The following KMT2C variants were observed in gnomAD, a reference collection of about 807,000 sequenced individuals.
The protein encoded by KMT2C is histone-lysine N-methyltransferase 2C.
In KMT2C, 88 loss-of-function variants were observed where a neutral mutation model predicts 507.9. That is an observed-to-expected ratio of 0.17 (90% CI 0.15 to 0.21). The LOEUF is 0.21. Among genes scored for constraint, KMT2C ranks in the 10% least tolerant of loss-of-function variants. KMT2C has a pLI of 1.00. For synonymous variants in KMT2C, 2,049 were observed against 2,080.8 expected, an observed-to-expected ratio of 0.98 and a Z score of 0.42; for missense variants, 4,954 against 5,957.8, an observed-to-expected ratio of 0.83 and a Z score of 5.55.
rs988241639 is a variant in KMT2C, at chr7:152,184,056, C to T, written c.5083-900G>A. On this transcript the variant is annotated intron_variant, in intron 34 of 58. Transcript: ENST00000262189. ...CATTGCACTCCAGCCTGGGCAACAA[C>T]TGTGAAGCTCCATCTCAAAAAAAAA... is the stretch of plus-strand genomic sequence containing the variant. Among the ~76,000 whole-genome samples, 4 of 133,190 alleles carry T rather than the reference C, an allele frequency of 3.0e-5. 1 individual carries two copies. The Admixed American group carries it at 3.4e-4, about 11-fold the overall frequency. The allele number at this position is 133,190 out of a possible 152,430, so 87.4% of individuals were successfully genotyped here.
chr7:152,357,277 C>T (rs1396546403), intron 2 of KMT2C, among the ~76,000 whole-genome samples: 3 of 152,078 alleles, frequency 2.0e-5, no homozygotes, highest in African/African-American at 7.2e-5. Flanking sequence ...GTAATCCCAG[C>T]ACTTTGGGAG....
At chr7:152,219,345 G>T (rs1390055247) in intron 23 of KMT2C, among the ~76,000 whole-genome samples, 1 of 151,990 alleles carries the variant, frequency 6.6e-6, no homozygotes, top group Non-Finnish European at 1.5e-5. Context: ...TTTTTTAAGA[G>T]TTGGGTTACC....
Position 152,157,061 on chromosome 7 carries a change from G to A in KMT2C, c.11671-715C>T, listed in dbSNP as rs536527313. Reference sequence around the variant, plus strand: ...TTCATGAGGATGATAAAATAAGGTTGGAGAACAGCTTATGAGTTAAGATAG... The same window carrying A: ...TTCATGAGGATGATAAAATAAGGTTAGAGAACAGCTTATGAGTTAAGATAG... On this transcript the variant is annotated intron_variant, in intron 44 of 58. Transcript: ENST00000262189. Among the ~76,000 whole-genome samples the A allele has an allele frequency of 7.2e-5, 11 of 152,158 alleles. No individual in the cohort carries two copies. In the South Asian group the frequency reaches 2.1e-3, roughly 29 times the overall value.
At chr7:152,304,359 G>C (rs1234261299) in intron 6 of KMT2C, among the ~76,000 whole-genome samples, 5 of 152,226 alleles carry the variant, frequency 3.3e-5, no homozygotes, top group South Asian at 2.1e-4. Flanking sequence ...TAAAAATATT[G>C]AATGTTTAAT....
intron 1 of KMT2C, among the ~76,000 whole-genome samples, chr7:152,414,481 T>C (rs944454556): frequency 2.0e-5 from 3 of 149,924 alleles, no homozygotes; most frequent in Admixed American, 2.0e-4. Flanking sequence ...TGAGCCGAGA[T>C]TGTGCCATCA....
intron 20 of KMT2C, among the ~76,000 whole-genome samples, chr7:152,223,596 C>A (rs1283311159): frequency 2.0e-5 from 3 of 151,980 alleles, no homozygotes; most frequent in Non-Finnish European, 2.9e-5. Context: ...AAGATGGAGA[C>A]CATCCTGGCC....
chr7:152,180,166 A>C, intron 36 of KMT2C, 40 bp from the exon 37 acceptor site: 1 of 1,603,422 alleles, frequency 6.2e-7, no homozygotes, highest in Non-Finnish European at 8.5e-7. Context: ...ATTTGTGGTA[A>C]TTAATGGCTT....
intron 19 of KMT2C, 49 bp downstream of exon 19, chr7:152,224,386 G>A: frequency 1.3e-6 from 2 of 1,565,922 alleles, no homozygotes; most frequent in Non-Finnish European, 1.7e-6. Context: ...AGTGGTATGA[G>A]AAAGCTCTGA....
chr7:152,167,090 A>G, intron 42 of KMT2C, 56 bp downstream of exon 42: 2 of 1,404,754 alleles, frequency 1.4e-6, no homozygotes, highest in East Asian at 4.6e-5. Flanking sequence ...ACAACACACC[A>G]AAACATTCTA....
chr7:152,184,555 A>G (rs891556390), intron 34 of KMT2C, among the ~76,000 whole-genome samples: 4 of 152,202 alleles, frequency 2.6e-5, no homozygotes, highest in Admixed American at 2.6e-4. Context: ...CAAGATGCAC[A>G]AAGATTCTCT....
intron 14 of KMT2C, among the ~76,000 whole-genome samples, chr7:152,239,233 G>T (rs1485160138): frequency 1.3e-5 from 2 of 152,090 alleles, no homozygotes; most frequent in Non-Finnish European, 2.9e-5. Context: ...CTACTTAAAA[G>T]GAGAAATGGA....
At chr7:152,414,209 CAAA>C (rs142576046) in intron 1 of KMT2C, among the ~76,000 whole-genome samples, 1 of 103,424 alleles carries the variant, frequency 9.7e-6, no homozygotes, top group Non-Finnish European at 2.1e-5. Context: ...GACTCTGTTT[CAAA>C]AAAAAAAAAA....
chr7:152,139,587 C>T, intron 56 of KMT2C, 88 bp downstream of exon 56: 1 of 877,442 alleles, frequency 1.1e-6, no homozygotes, highest in Non-Finnish European at 1.9e-6. Flanking sequence ...TGACAGATTT[C>T]ATTCTGCCTT....
chr7:152,366,541 T>C lies in KMT2C; in HGVS notation c.162-7866A>G, dbSNP rs544036635. Among the ~76,000 whole-genome samples the C allele has an allele frequency of 4.0e-5, 6 of 150,708 alleles. No individual in the cohort carries two copies. The East Asian group carries it at 7.8e-4, about 20-fold the overall frequency. On this transcript the variant is annotated intron_variant, in intron 1 of 58. Transcript: ENST00000262189. ...TTCCACTTATATAAGGTACTAAGAG[T>C]AGCTAAAATCAGAGACGGAAAGTGG... is the stretch of plus-strand genomic sequence containing the variant.
At chr7:152,292,156 TAATA>T (rs1185479843) in intron 6 of KMT2C, among the ~76,000 whole-genome samples, 1 of 152,206 alleles carries the variant, frequency 6.6e-6, no homozygotes, top group African/African-American at 2.4e-5. Flanking sequence ...TCTTCTAGCA[TAATA>T]AATATAATGC....
At chr7:152,329,528 C>A (rs1358738651) in intron 3 of KMT2C, among the ~76,000 whole-genome samples, 1 of 150,914 alleles carries the variant, frequency 6.6e-6, no homozygotes, top group Non-Finnish European at 1.5e-5. Context: ...TGTGATCACA[C>A]TACTGCACTC....
intron 1 of KMT2C, among the ~76,000 whole-genome samples, chr7:152,390,205 T>G (rs1312130320): frequency 6.6e-6 from 1 of 151,842 alleles, no homozygotes; most frequent in East Asian, 1.9e-4. Flanking sequence ...CCCCTGAATC[T>G]AAAATAAAAT....
chr7:152,409,166 C>T (rs1436392420), intron 1 of KMT2C, among the ~76,000 whole-genome samples: 1 of 151,820 alleles, frequency 6.6e-6, no homozygotes, highest in Admixed American at 6.6e-5. Flanking sequence ...GCCATCACAC[C>T]TGGCTAATTT....
chr7:152,198,348 G>A (rs1038653399), intron 27 of KMT2C, among the ~76,000 whole-genome samples: 9 of 152,172 alleles, frequency 5.9e-5, no homozygotes, highest in Non-Finnish European at 1.2e-4. Context: ...TCAGGATAAT[G>A]CCAAGTTAAT....
Sources: gnomAD v4.1 joint callset for allele counts (sites outside exome capture counted in the v4.1 genomes callset) on GRCh38, gnomAD v4.1.1 for gene constraint, MANE v1.5 for transcripts, NCBI Gene and HGNC (gene_info 2026-07-23, HGNC 2026-07-21) for gene names.